ZBTB20: variants seen among roughly 807,000 people sequenced by gnomAD.
The protein encoded by ZBTB20 is zinc finger and BTB domain containing 20.
A neutral mutation model predicts 56.9 loss-of-function variants in ZBTB20; 9 were observed. The observed-to-expected ratio is 0.16, with a 90% CI of 0.10 to 0.28. The LOEUF is 0.28. ZBTB20 is among the 10% of genes least tolerant of loss of function. ZBTB20 has a pLI of 1.00. For missense variants in ZBTB20, 655 were observed against 1,003.0 expected (o/e 0.65, Z 4.69); for synonymous variants, 417 against 420.7 (o/e 0.99, Z 0.11).
chr3:114,646,815 T>C (rs1487061847), intron 6 of ZBTB20, among the ~76,000 whole-genome samples: 2 of 152,182 alleles, frequency 1.3e-5, no homozygotes, highest in Admixed American at 1.3e-4. Flanking sequence ...ATAACCTCAG[T>C]ACAATATGCA....
intron 1 of ZBTB20, among the ~76,000 whole-genome samples, chr3:115,115,948 A>G (rs1415288195): frequency 1.3e-5 from 2 of 152,058 alleles, no homozygotes; most frequent in African/African-American, 4.8e-5. Flanking sequence ...TTTTTGATCA[A>G]TGTTCAAATA....
chr3:115,137,099 A>G (rs2107332152), intron 1 of ZBTB20, among the ~76,000 whole-genome samples: 1 of 152,256 alleles, frequency 6.6e-6, no homozygotes, highest in South Asian at 2.1e-4. Flanking sequence ...ATTATATAAA[A>G]TGATTATTAT....
chr3:115,110,509 A>T (rs1487953484), intron 1 of ZBTB20, among the ~76,000 whole-genome samples: 1 of 152,248 alleles, frequency 6.6e-6, no homozygotes, highest in Non-Finnish European at 1.5e-5. Flanking sequence ...TAAATACAAA[A>T]AATTACTTTA....
At chr3:114,804,908 A>T (rs1367200260) in intron 4 of ZBTB20, among the ~76,000 whole-genome samples, 2 of 151,922 alleles carry the variant, frequency 1.3e-5, no homozygotes, top group Non-Finnish European at 1.5e-5. Context: ...TATCCTGTCC[A>T]TGTTAAATGA....
intron 10 of ZBTB20, among the ~76,000 whole-genome samples, chr3:114,360,088 A>G (rs2081654473): frequency 6.6e-6 from 1 of 151,868 alleles, no homozygotes; most frequent in Non-Finnish European, 1.5e-5. Flanking sequence ...GTGAGAAAAC[A>G]GAACTCAATA....
rs1291943164 is a variant in ZBTB20, at chr3:114,336,549, A to T, written c.*2456T>A. ...CTTCTAGCAAAATATCCACTGAATT[A>T]AGCACTGTGGGACCAAATCAAACTC... On this transcript the variant is annotated 3_prime_UTR_variant, in exon 12 of 12. Transcript: ENST00000675478. The T allele has an allele frequency of 6.6e-6, 1 of 152,206 alleles. No homozygotes were observed. The highest frequency in any genetic ancestry group is 2.4e-5 in the African/African-American group (1 of 41,452). 9.4% of individuals were successfully genotyped at this position (152,206 alleles called of 1,614,324 possible). A position where few individuals can be genotyped will look rare whatever the true frequency, so the allele number is the denominator to read the frequency against.
At chr3:114,603,944 A>G (rs867857940) in intron 6 of ZBTB20, among the ~76,000 whole-genome samples, 1 of 152,156 alleles carries the variant, frequency 6.6e-6, no homozygotes, top group East Asian at 1.9e-4. Context: ...ATATATGCCA[A>G]TGGAGCTGCT....
rs955613443 is a variant in ZBTB20 at position 114,787,396 on chromosome 3, T to C, written c.-343+13705A>G. Among the ~76,000 whole-genome samples the C allele has an allele frequency of 1.1e-3, 149 of 137,406 alleles. 3 individuals carry two copies. Among genetic ancestry groups the C allele is most frequent in the African/African-American group, 3.6e-3 (127 of 35,094 alleles). 90.1% of individuals were successfully genotyped at this position (137,406 alleles called of 152,430 possible). Reference sequence around the variant, plus strand: ...ACACACACACACACACACACACATATATATACATATATATACGTGTGTACA... The same window carrying C: ...ACACACACACACACACACACACATACATATACATATATATACGTGTGTACA... On this transcript the variant is annotated intron_variant, in intron 5 of 11. Transcript: ENST00000675478.
chr3:114,953,762 T>A (rs1306056941), intron 3 of ZBTB20, among the ~76,000 whole-genome samples: 1 of 152,044 alleles, frequency 6.6e-6, no homozygotes, highest in East Asian at 1.9e-4. Context: ...TACAATTATA[T>A]TTGGAGATAT....
intron 1 of ZBTB20, among the ~76,000 whole-genome samples, chr3:115,095,759 TA>T (rs2083359163): frequency 6.6e-6 from 1 of 152,150 alleles, no homozygotes; most frequent in South Asian, 2.1e-4. Flanking sequence ...ATATTAAACA[TA>T]ATTGTCATCA....
chr3:114,626,649 A>T (rs941848309), intron 6 of ZBTB20, among the ~76,000 whole-genome samples: 2 of 152,164 alleles, frequency 1.3e-5, no homozygotes, highest in Non-Finnish European at 2.9e-5. Flanking sequence ...TTGAAAATCT[A>T]TTATGTGAAA....
intron 6 of ZBTB20, among the ~76,000 whole-genome samples, chr3:114,566,971 C>A (rs1470136965): frequency 3.3e-5 from 5 of 152,150 alleles, no homozygotes; most frequent in African/African-American, 1.2e-4. Flanking sequence ...CTTTTATGAG[C>A]TGTTCATTCC....
intron 10 of ZBTB20, among the ~76,000 whole-genome samples, chr3:114,362,726 C>T (rs1329987548): frequency 6.6e-6 from 1 of 152,112 alleles, no homozygotes; most frequent in African/African-American, 2.4e-5. Context: ...CACTGGGTCC[C>T]CCTGTCAACA....
rs1381782649 is a variant in ZBTB20, at chr3:114,816,735, T to C, written c.-416-15561A>G. Among the ~76,000 whole-genome samples the C allele has an allele frequency of 2.0e-5, 3 of 152,302 alleles. No homozygotes were observed. In the East Asian group the frequency reaches 5.8e-4, roughly 29 times the overall value. Reference sequence around the variant, plus strand: ...TTCACATTTTGGGTTTCTCCTACTATGCATGTTAACTCTTTGTGAATAGTT... The same window carrying C: ...TTCACATTTTGGGTTTCTCCTACTACGCATGTTAACTCTTTGTGAATAGTT... On this transcript the variant is annotated intron_variant, in intron 4 of 11. Transcript: ENST00000675478.
chr3:114,674,504 C>A (rs543249923), intron 6 of ZBTB20, among the ~76,000 whole-genome samples: 3 of 152,212 alleles, frequency 2.0e-5, no homozygotes, highest in South Asian at 2.1e-4. Context: ...GCATGTGGTA[C>A]CTTGCTCTAT....
At chr3:114,808,286 G>A (rs2072267774) in intron 4 of ZBTB20, among the ~76,000 whole-genome samples, 1 of 151,896 alleles carries the variant, frequency 6.6e-6, no homozygotes. Context: ...TGACAATTGA[G>A]GTCAACCAAT....
chr3:114,798,350 A>AAAAAAAC (rs5851936), intron 5 of ZBTB20, among the ~76,000 whole-genome samples: 105,131 of 150,424 alleles, frequency 0.7, 40,964 homozygotes, highest in East Asian at 0.96. Context: ...ACAAAAAAAC[A>AAAAAAAC]AAAAAAAACA....
chr3:114,987,908 C>A (rs2108126584), intron 2 of ZBTB20, among the ~76,000 whole-genome samples: 1 of 152,230 alleles, frequency 6.6e-6, no homozygotes, highest in East Asian at 1.9e-4. Context: ...TCTGCCTCTG[C>A]TAGTTTATCT....
At position 114,316,921 on chromosome 3, in the gene ZBTB20, A is replaced by G. The variant is rs2078707075; in HGVS notation, c.*22084T>C. 4.8e-6 allele frequency: 1 copy of G among 207,322 alleles called. No individual in the cohort carries two copies. Among genetic ancestry groups the G allele is most frequent in the Admixed American group, 5.3e-5 (1 of 18,744 alleles). 12.8% of individuals were successfully genotyped at this position (207,322 alleles called of 1,614,324 possible). Reference sequence around the variant, plus strand: ...GAGATAGAAAAGGAAGAAGGAAGGAAAGCTCAGATGAGGAAGAATGAAGTA... The same window carrying G: ...GAGATAGAAAAGGAAGAAGGAAGGAGAGCTCAGATGAGGAAGAATGAAGTA... On this transcript the variant is annotated 3_prime_UTR_variant, in exon 12 of 12. Transcript: ENST00000675478.
Sources: allele counts gnomAD v4.1 joint callset (sites outside exome capture counted in the v4.1 genomes callset), GRCh38; gene constraint gnomAD v4.1.1; transcripts MANE v1.5; gene names NCBI Gene and HGNC (gene_info 2026-07-23, HGNC 2026-07-21).